COL23A1: variants seen among roughly 807,000 people sequenced by gnomAD.
The protein encoded by COL23A1 is collagen alpha-1(XXIII) chain.
COL23A1 carries 97 observed loss-of-function variants against 99.3 expected under a neutral mutation model. That is an observed-to-expected ratio of 0.98 (90% CI 0.83 to 1.16). The LOEUF (loss-of-function observed/expected upper bound fraction) is 1.16, where lower values mean the gene tolerates loss of function less well. COL23A1 is among the 50% of genes most tolerant of loss of function. The pLI is 0.00. For missense variants in COL23A1, 762 were observed against 757.4 expected (o/e 1.01, Z -0.07); for synonymous variants, 320 against 308.2 (o/e 1.04, Z -0.40).
In COL23A1 at chr5:178,280,020, G is replaced by A. The variant is rs1055844718; in HGVS notation, c.441+8304C>T. ...CTGCTACCGTATCCCAAATGCCGAA[G>A]CGCCTCGTACATAACGAGAACACAG... is the stretch of plus-strand genomic sequence containing the variant. On this transcript the variant is annotated intron_variant, in intron 5 of 28. Coordinates refer to ENST00000390654, the MANE Select transcript of COL23A1 (RefSeq NM_173465.4). The surrounding 1 kb of genome is among the most constrained non-coding windows in gnomAD (Gnocchi z 4.9). Among the ~76,000 whole-genome samples the A allele has an allele frequency of 6.6e-5, 10 of 152,280 alleles. No individual in the cohort carries two copies. Among genetic ancestry groups the A allele is most frequent in the Non-Finnish European group, 1.0e-4 (7 of 68,054 alleles).
chr5:178,587,386 G>A (rs78426958), intron 1 of COL23A1, among the ~76,000 whole-genome samples: 3,402 of 152,220 alleles, frequency 0.022, 69 homozygotes, highest in Non-Finnish European at 0.031. Context: ...CCCAGAAAAA[G>A]TTATTTCACA....
At chr5:178,438,521 C>A (rs1312896510) in intron 2 of COL23A1, among the ~76,000 whole-genome samples, 1 of 152,120 alleles carries the variant, frequency 6.6e-6, no homozygotes, top group Non-Finnish European at 1.5e-5. Context: ...CTATGGAGAC[C>A]ACAGAGCAGG....
At chr5:178,537,317 C>G (rs970934177) in intron 2 of COL23A1, among the ~76,000 whole-genome samples, 9 of 152,184 alleles carry the variant, frequency 5.9e-5, no homozygotes, top group Non-Finnish European at 1.0e-4. Context: ...GGCCCGGGGT[C>G]GTATTCAGAT....
chr5:178,542,278 G>A (rs1458438173), intron 2 of COL23A1, among the ~76,000 whole-genome samples: 2 of 152,076 alleles, frequency 1.3e-5, no homozygotes, highest in Non-Finnish European at 2.9e-5. Context: ...GGTCTCGCCC[G>A]CCTCAGCCTC....
chr5:178,386,363 C>T (rs1428076145), intron 2 of COL23A1, among the ~76,000 whole-genome samples: 1 of 151,872 alleles, frequency 6.6e-6, no homozygotes, highest in Non-Finnish European at 1.5e-5. Context: ...CGCTTGAACC[C>T]AGGAAGCGGA....
intron 2 of COL23A1, among the ~76,000 whole-genome samples, chr5:178,525,754 C>CA (rs1442209761): frequency 1.3e-5 from 2 of 152,220 alleles, no homozygotes; most frequent in African/African-American, 4.8e-5. Context: ...TTATCTAAAA[C>CA]ACTCAGTGCA....
chr5:178,554,537 C>T lies in COL23A1; in HGVS notation c.361+6145G>A, dbSNP rs914945829. On this transcript the variant is annotated intron_variant, in intron 2 of 28. Coordinates refer to ENST00000390654, the MANE Select transcript of COL23A1 (RefSeq NM_173465.4). The stretch of plus-strand genomic sequence containing the variant: ...GGTTACACCTTTGCAAACCACCTGG[C>T]GGTGACTGGGCCAGCCGTCACCGGA... 7.9e-5 allele frequency among the ~76,000 whole-genome samples: 12 copies of T among 152,192 alleles called. No individual in the cohort carries two copies. In the East Asian group the frequency reaches 9.7e-4, roughly 12 times the overall value.
chr5:178,556,207 G>A lies in COL23A1; in HGVS notation c.361+4475C>T, dbSNP rs138556691. On this transcript the variant is annotated intron_variant, in intron 2 of 28. Transcript: ENST00000390654. ...GCAGCTATCTCGGATACACAGACGG[G>A]CACAGACCACCTCAAAGAGAAAGGG... Among the ~76,000 whole-genome samples, 642 of 152,236 alleles carry A rather than the reference G, an allele frequency of 4.2e-3. 7 individuals are homozygous for A. Among genetic ancestry groups the A allele is most frequent in the African/African-American group, 0.015 (607 of 41,538 alleles).
At chr5:178,325,505 G>GTTTTTA (rs1759599147) in intron 2 of COL23A1, among the ~76,000 whole-genome samples, 1 of 149,706 alleles carries the variant, frequency 6.7e-6, no homozygotes, top group Non-Finnish European at 1.5e-5. Context: ...TTTTTGGCCA[G>GTTTTTA]GAAAACTCCT....
At chr5:178,587,009 G>A (rs1764038764) in intron 1 of COL23A1, among the ~76,000 whole-genome samples, 2 of 152,196 alleles carry the variant, frequency 1.3e-5, no homozygotes, top group East Asian at 3.8e-4. Flanking sequence ...TCCATTGTAA[G>A]CTGGCATGGT....
chr5:178,292,643 G>T (rs1458722796), intron 3 of COL23A1, among the ~76,000 whole-genome samples: 1 of 152,200 alleles, frequency 6.6e-6, no homozygotes, highest in African/African-American at 2.4e-5. Context: ...TGCTGCAGGG[G>T]AGAGAGGACA....
At chr5:178,286,593 C>T (rs1162450806) in intron 5 of COL23A1, among the ~76,000 whole-genome samples, 1 of 152,230 alleles carries the variant, frequency 6.6e-6, no homozygotes, top group East Asian at 1.9e-4. Context: ...GGCTTCACAG[C>T]GAGTGAGCTG....
chr5:178,254,945 C>A lies in COL23A1; in HGVS notation c.960+4G>T. ...GCACATCCTGGTCCCACCAGGAACA[C>A]TACCTTGAGGGCATCCAAGATCCTG... is the stretch of plus-strand genomic sequence containing the variant. On this transcript the variant is annotated splice_donor_region_variant and intron_variant, in intron 16 of 28. Coordinates refer to ENST00000390654, the MANE Select transcript of COL23A1 (RefSeq NM_173465.4). The A allele has an allele frequency of 6.2e-7, 1 of 1,612,648 alleles. No individual in the cohort carries two copies. Among genetic ancestry groups the A allele is most frequent in the East Asian group, 2.2e-5 (1 of 44,854 alleles).
At chr5:178,523,043 G>A in intron 2 of COL23A1, among the ~76,000 whole-genome samples, 1 of 151,472 alleles carries the variant, frequency 6.6e-6, no homozygotes, top group East Asian at 1.9e-4. Context: ...GCTCATGCCT[G>A]TAATCCCAGC....
At chr5:178,460,850 C>T (rs1018422920) in intron 2 of COL23A1, among the ~76,000 whole-genome samples, 1 of 152,200 alleles carries the variant, frequency 6.6e-6, no homozygotes, top group South Asian at 2.1e-4. Context: ...CCATGCTGCC[C>T]TGTGGTCTTC....
At chr5:178,417,806 C>T (rs1020081560) in intron 2 of COL23A1, among the ~76,000 whole-genome samples, 2 of 152,222 alleles carry the variant, frequency 1.3e-5, no homozygotes, top group African/African-American at 2.4e-5. Context: ...TCACAAAATA[C>T]CCGCAGAAAC....
chr5:178,311,529 T>TA (rs1725223228), intron 2 of COL23A1, among the ~76,000 whole-genome samples: 1 of 144,488 alleles, frequency 6.9e-6, no homozygotes, highest in African/African-American at 2.5e-5. Flanking sequence ...TGTGTGTGTG[T>TA]GTAATGCGGG....
At chr5:178,269,591 AATCC>A (rs535673246) in intron 6 of COL23A1, among the ~76,000 whole-genome samples, 962 of 90,742 alleles carry the variant, frequency 0.011, 15 homozygotes, top group African/African-American at 0.036. Flanking sequence ...CTCATCCATC[AATCC>A]ATCCATCCAT....
chr5:178,495,386 C>G (rs534686609), intron 2 of COL23A1, among the ~76,000 whole-genome samples: 1 of 152,358 alleles, frequency 6.6e-6, no homozygotes, highest in Admixed American at 6.5e-5. Flanking sequence ...GATGGTCTGA[C>G]ATAGCCCCAG....
Sources: gnomAD v4.1 joint callset for allele counts (sites outside exome capture counted in the v4.1 genomes callset) on GRCh38, gnomAD v4.1.1 for gene constraint, Gnocchi (gnomAD v3.1) non-coding constraint, MANE v1.5 for transcripts, NCBI Gene and HGNC (gene_info 2026-07-23, HGNC 2026-07-21) for gene names.